TACR3: variants seen among roughly 807,000 people sequenced by gnomAD.
TACR3 encodes neuromedin-K receptor.
In TACR3, 34 loss-of-function variants were observed where a neutral mutation model predicts 35.0. That is an observed-to-expected ratio of 0.97 (90% CI 0.74 to 1.30). The LOEUF (loss-of-function observed/expected upper bound fraction) is 1.30, where lower values mean the gene tolerates loss of function less well. TACR3 is among the 50% of genes most tolerant of loss of function. The pLI, the probability that TACR3 is intolerant of heterozygous loss-of-function variation, is 0.00. For missense variants in TACR3, 558 were observed against 591.7 expected, an observed-to-expected ratio of 0.94 and a Z score of 0.59; for synonymous variants, 233 against 221.1, an observed-to-expected ratio of 1.05 and a Z score of -0.48.
intron 1 of TACR3, among the ~76,000 whole-genome samples, chr4:103,702,240 G>A (rs1722668722): frequency 6.6e-6 from 1 of 152,142 alleles, no homozygotes; most frequent in Admixed American, 6.5e-5. Flanking sequence ...AGTGGGCAAA[G>A]GATATGAACA....
At chr4:103,687,816 T>C (rs1722284468) in intron 1 of TACR3, among the ~76,000 whole-genome samples, 2 of 152,112 alleles carry the variant, frequency 1.3e-5, no homozygotes, top group African/African-American at 4.8e-5. Flanking sequence ...AAAATGGCCA[T>C]ACTGCCCAAG....
At chr4:103,693,852 G>GT (rs1430684347) in intron 1 of TACR3, among the ~76,000 whole-genome samples, 3 of 151,698 alleles carry the variant, frequency 2.0e-5, no homozygotes, top group Non-Finnish European at 4.4e-5. Flanking sequence ...TAATATTTTT[G>GT]TTTTTTATGA....
At chr4:103,600,498 C>T (rs534265432) in intron 3 of TACR3, among the ~76,000 whole-genome samples, 1 of 152,234 alleles carries the variant, frequency 6.6e-6, no homozygotes, top group African/African-American at 2.4e-5. Flanking sequence ...TTGCCTTCTG[C>T]TAGCTTTTGA....
In TACR3 at chr4:103,687,978, C is replaced by T. The variant is rs368558274; in HGVS notation, c.549-29575G>A. Reference sequence around the variant, plus strand: ...CAAAAGAACAAAGCTGGAGGCATCACGCTACCTGACTTCAAACTATACTAC... The same window carrying T: ...CAAAAGAACAAAGCTGGAGGCATCATGCTACCTGACTTCAAACTATACTAC... On this transcript the variant is annotated intron_variant, in intron 1 of 4. Transcript: ENST00000304883. Among the ~76,000 whole-genome samples, 48 of 152,254 alleles carry T rather than the reference C, an allele frequency of 3.2e-4. 1 individual carries two copies. The South Asian group carries it at 7.3e-3, about 23-fold the overall frequency.
chr4:103,603,044 C>G lies in TACR3; in HGVS notation c.889-11361G>C, dbSNP rs530376163. Among the ~76,000 whole-genome samples the G allele has an allele frequency of 5.3e-5, 8 of 152,252 alleles. No individual in the cohort carries two copies. In the East Asian group the frequency reaches 1.2e-3, roughly 22 times the overall value. ...GAGCTGTGGTGGGCTCTGCCCAGTT[C>G]GAGCTTCCTGTCTGCTTTGTTTACC... is the stretch of plus-strand genomic sequence containing the variant. On this transcript the variant is annotated intron_variant, in intron 3 of 4. Transcript: ENST00000304883.
intron 1 of TACR3, among the ~76,000 whole-genome samples, chr4:103,689,340 T>A (rs1722345441): frequency 1.3e-5 from 2 of 151,866 alleles, no homozygotes; most frequent in African/African-American, 4.8e-5. Flanking sequence ...GCATGTCACA[T>A]GTATACATAT....
intron 1 of TACR3, among the ~76,000 whole-genome samples, chr4:103,693,567 A>T (rs1347752477): frequency 6.6e-6 from 1 of 152,076 alleles, no homozygotes; most frequent in Admixed American, 6.6e-5. Context: ...TGTTTTGTCT[A>T]TGTAACCATT....
intron 3 of TACR3, among the ~76,000 whole-genome samples, chr4:103,652,214 TC>T (rs1725636166): frequency 6.6e-6 from 1 of 152,016 alleles, no homozygotes; most frequent in Non-Finnish European, 1.5e-5. Flanking sequence ...TTATTTAGAG[TC>T]CCAGAGGACT....
rs1723790744 is a variant in TACR3, at chr4:103,587,462, A to T, written c.*2220T>A. 1 of 152,138 alleles carries T rather than the reference A, an allele frequency of 6.6e-6. No individual in the cohort carries two copies. The highest frequency in any genetic ancestry group is 1.5e-5 in the Non-Finnish European group (1 of 67,992). 9.4% of individuals were successfully genotyped at this position (152,138 alleles called of 1,614,324 possible). A position where few individuals can be genotyped will look rare whatever the true frequency, so the allele number is the denominator to read the frequency against. On this transcript the variant is annotated 3_prime_UTR_variant, in exon 5 of 5. Transcript: ENST00000304883. ...TATGTATGTTCACAGAAGCCAAAGC[A>T]AACCAACAATCCAACTGACGAGGCC... is the stretch of plus-strand genomic sequence containing the variant.
chr4:103,597,919 G>T (rs1045464297), intron 3 of TACR3, among the ~76,000 whole-genome samples: 2 of 152,168 alleles, frequency 1.3e-5, no homozygotes, highest in African/African-American at 4.8e-5. Context: ...ACATACGTGT[G>T]CATGTGTCTT....
intron 3 of TACR3, among the ~76,000 whole-genome samples, chr4:103,594,770 A>G (rs559235802): frequency 1.3e-5 from 2 of 152,184 alleles, no homozygotes; most frequent in Non-Finnish European, 2.9e-5. Flanking sequence ...ATAGCTTTTA[A>G]CTCACATACA....
At chr4:103,624,993 G>A (rs1724859235) in intron 3 of TACR3, among the ~76,000 whole-genome samples, 1 of 152,012 alleles carries the variant, frequency 6.6e-6, no homozygotes, top group Non-Finnish European at 1.5e-5. Flanking sequence ...GAAAGGTAGA[G>A]AGGGAGAAGA....
chr4:103,590,514 C>T (rs781569812), intron 4 of TACR3, among the ~76,000 whole-genome samples: 3 of 151,668 alleles, frequency 2.0e-5, no homozygotes, highest in Non-Finnish European at 2.9e-5. Flanking sequence ...ACTTTGTAAA[C>T]CATTAAATGA....
At chr4:103,596,756 C>G (rs1441543575) in intron 3 of TACR3, among the ~76,000 whole-genome samples, 1 of 151,854 alleles carries the variant, frequency 6.6e-6, no homozygotes, top group East Asian at 1.9e-4. Context: ...CTCCCCCGTC[C>G]CCCTACCCCA....
chr4:103,628,908 G>GA (rs200217980), intron 3 of TACR3, among the ~76,000 whole-genome samples: 16,431 of 152,110 alleles, frequency 0.11, 914 homozygotes, highest in Non-Finnish European at 0.12. Flanking sequence ...CTGACAAACT[G>GA]AATCCAGCAG....
intron 3 of TACR3, among the ~76,000 whole-genome samples, chr4:103,623,850 G>T (rs562729327): frequency 3.9e-5 from 6 of 152,138 alleles, no homozygotes; most frequent in Non-Finnish European, 8.8e-5. Context: ...ACAGCTAGAA[G>T]GTAGACTCGT....
intron 3 of TACR3, among the ~76,000 whole-genome samples, chr4:103,624,090 G>C (rs1248030795): frequency 6.6e-6 from 1 of 152,070 alleles, no homozygotes; most frequent in African/African-American, 2.4e-5. Flanking sequence ...ATCCACACGG[G>C]TAACATTTGA....
intron 3 of TACR3, among the ~76,000 whole-genome samples, chr4:103,604,969 A>G (rs1274149347): frequency 1.5e-5 from 2 of 132,802 alleles, no homozygotes; most frequent in Admixed American, 1.5e-4. Flanking sequence ...TCCCAATGCT[A>G]TCCCTCCCCC....
chr4:103,659,529 G>A (rs1166482943), intron 1 of TACR3, among the ~76,000 whole-genome samples: 4 of 152,096 alleles, frequency 2.6e-5, no homozygotes, highest in Non-Finnish European at 5.9e-5. Context: ...CAGAATTTCC[G>A]TGATTAATAA....
Sources: allele counts gnomAD v4.1 joint callset (sites outside exome capture counted in the v4.1 genomes callset), GRCh38; gene constraint gnomAD v4.1.1; transcripts MANE v1.5; gene names NCBI Gene and HGNC (gene_info 2026-07-23, HGNC 2026-07-21).